The following CCSER1 variants were observed in gnomAD, a reference collection of about 807,000 sequenced individuals.
The protein encoded by CCSER1 is coiled-coil serine rich protein 1.
Under a neutral mutation model 82.0 loss-of-function variants are expected in CCSER1, and 41 were observed. That is an observed-to-expected ratio of 0.50 (90% CI 0.39 to 0.65). CCSER1 has a LOEUF of 0.65. Among genes scored for constraint, CCSER1 ranks in the 30% least tolerant of loss-of-function variants. CCSER1 has a pLI of 0.00. For synonymous variants in CCSER1, 414 were observed against 383.9 expected (o/e 1.08, Z -0.92); for missense variants, 1,119 against 1,064.2 (o/e 1.05, Z -0.72).
intron 8 of CCSER1, among the ~76,000 whole-genome samples, chr4:90,848,357 AAG>A (rs1458373863): frequency 6.6e-6 from 1 of 152,198 alleles, no homozygotes; most frequent in East Asian, 1.9e-4. Context: ...AAATGGCTCT[AAG>A]ATATAAGTGG....
In CCSER1 at chr4:91,415,069, A is replaced by G. The variant is rs1057217505; in HGVS notation, c.2218-183503A>G. Among the ~76,000 whole-genome samples the G allele has an allele frequency of 3.3e-5, 5 of 152,148 alleles. No homozygotes were observed. In the East Asian group the frequency reaches 7.7e-4, roughly 23 times the overall value. On this transcript the variant is annotated intron_variant, in intron 10 of 10. Transcript: ENST00000509176. ...GGAAGCAGTGGACTTGAATAGTGCT[A>G]TGTGGCAAATAGACCTAACAGATGT...
At position 91,216,796 on chromosome 4, in the gene CCSER1, T is replaced by C. The variant is rs1411541959; in HGVS notation, c.2217+130802T>C. ...TTATGTTAATTTACCCACTTGTCCA[T>C]TTTACCAATGAGTGAAAGGGGCAAA... On this transcript the variant is annotated intron_variant, in intron 10 of 10. Transcript: ENST00000509176. 2.6e-5 allele frequency among the ~76,000 whole-genome samples: 4 copies of C among 152,228 alleles called. No homozygotes were observed. In the East Asian group the frequency reaches 5.8e-4, roughly 22 times the overall value.
intron 10 of CCSER1, among the ~76,000 whole-genome samples, chr4:91,572,458 A>G (rs527536865): frequency 2.0e-5 from 3 of 152,048 alleles, no homozygotes; most frequent in Non-Finnish European, 2.9e-5. Flanking sequence ...ATTCAGTTCA[A>G]TTCCTGGTTG....
chr4:91,055,633 T>G (rs757589908), intron 9 of CCSER1, among the ~76,000 whole-genome samples: 15 of 152,294 alleles, frequency 9.8e-5, no homozygotes, highest in Non-Finnish European at 2.1e-4. Context: ...TGAGTTCATC[T>G]TACTTGGAGT....
intron 10 of CCSER1, among the ~76,000 whole-genome samples, chr4:91,244,603 A>G (rs1739620307): frequency 6.6e-6 from 1 of 152,226 alleles, no homozygotes; most frequent in South Asian, 2.1e-4. Context: ...CAAGTCTGCA[A>G]AATTCACAGC....
At chr4:91,070,238 C>T (rs1216522842) in intron 9 of CCSER1, among the ~76,000 whole-genome samples, 1 of 152,148 alleles carries the variant, frequency 6.6e-6, no homozygotes, top group Non-Finnish European at 1.5e-5. Flanking sequence ...CCTGCCTTGG[C>T]CTCCCAAAGT....
intron 10 of CCSER1, among the ~76,000 whole-genome samples, chr4:91,423,765 G>T (rs1309396566): frequency 1.3e-5 from 2 of 151,984 alleles, no homozygotes; most frequent in African/African-American, 2.4e-5. Context: ...CTTCAAAGAA[G>T]TTCTAAGAAA....
At chr4:90,360,419 ACTCGGGAGGCTG>A (rs377480435) in intron 3 of CCSER1, among the ~76,000 whole-genome samples, 1 of 150,444 alleles carries the variant, frequency 6.6e-6, no homozygotes, top group Admixed American at 6.6e-5. Flanking sequence ...AGTCCCAGCT[ACTCGGGAGGCTG>A]CTCGGGAGGC....
chr4:90,413,635 A>T (rs1306620306), intron 4 of CCSER1, among the ~76,000 whole-genome samples: 1 of 152,084 alleles, frequency 6.6e-6, no homozygotes, highest in African/African-American at 2.4e-5. Flanking sequence ...GAATAATTTG[A>T]ATAGTTTCAT....
rs190748344 is a variant in CCSER1, at chr4:91,510,154, C to G, written c.2218-88418C>G. The stretch of plus-strand genomic sequence containing the variant: ...TTATTTCACTTGGGACAATGGCCCC[C>G]AGCTGCATCCATGTTGCTGCAAAGG... On this transcript the variant is annotated intron_variant, in intron 10 of 10. Coordinates refer to ENST00000509176, the MANE Select transcript of CCSER1 (RefSeq NM_001145065.2). 6.6e-4 allele frequency among the ~76,000 whole-genome samples: 100 copies of G among 152,248 alleles called. 1 individual carries two copies. Among genetic ancestry groups the G allele is most frequent in the African/African-American group, 2.2e-3 (92 of 41,550 alleles).
At chr4:90,659,938 G>A (rs1355460232) in intron 6 of CCSER1, among the ~76,000 whole-genome samples, 2 of 151,092 alleles carry the variant, frequency 1.3e-5, no homozygotes, top group Admixed American at 1.3e-4. Flanking sequence ...ATGCTTATTT[G>A]TGTCATTTGC....
intron 10 of CCSER1, among the ~76,000 whole-genome samples, chr4:91,247,129 G>C (rs1224322637): frequency 5.9e-5 from 9 of 151,972 alleles, no homozygotes; most frequent in Admixed American, 5.9e-4. Flanking sequence ...GTGAAACCCT[G>C]TCTCTATTAA....
chr4:90,400,413 CA>C (rs1752652468), intron 4 of CCSER1, among the ~76,000 whole-genome samples: 1 of 151,890 alleles, frequency 6.6e-6, no homozygotes. Context: ...AAATAATTAA[CA>C]AAAAGTTTAA....
chr4:91,402,953 C>T (rs574112504), intron 10 of CCSER1, among the ~76,000 whole-genome samples: 7 of 152,040 alleles, frequency 4.6e-5, no homozygotes, highest in African/African-American at 7.2e-5. Context: ...TAGCTTGATG[C>T]GGATGGCATT....
At chr4:90,868,446 T>C (rs539942080) in intron 8 of CCSER1, among the ~76,000 whole-genome samples, 1 of 152,164 alleles carries the variant, frequency 6.6e-6, no homozygotes, top group East Asian at 1.9e-4. Context: ...GGTGGGAACA[T>C]GCAAAGTTTG....
chr4:91,546,220 G>A (rs537907736), intron 10 of CCSER1, among the ~76,000 whole-genome samples: 5 of 152,070 alleles, frequency 3.3e-5, no homozygotes, highest in Admixed American at 6.6e-5. Flanking sequence ...TATGAGAGAT[G>A]TAGGTCTATA....
chr4:90,391,485 T>TATATAC lies in CCSER1; in HGVS notation c.1510-8550_1510-8549insTATACA, dbSNP rs1438072458. On this transcript the variant is annotated intron_variant, in intron 3 of 10. Transcript: ENST00000509176. ...ATATATATATATATATATATATATATACACACACACAGTGGGTAAATATAT... is the reference window on the plus strand; with the variant it reads ...ATATATATATATATATATATATATATATATACACACACACACAGTGGGTAAATATAT... Among the ~76,000 whole-genome samples the TATATAC allele has an allele frequency of 1.9e-3, 147 of 76,552 alleles. 2 individuals are homozygous for TATATAC. The highest frequency in any genetic ancestry group is 2.3e-3 in the Non-Finnish European group (102 of 44,768). 50.2% of individuals were successfully genotyped at this position (76,552 alleles called of 152,430 possible). A position where few individuals can be genotyped will look rare whatever the true frequency, so the allele number is the denominator to read the frequency against.
At chr4:91,342,351 A>C (rs1262780948) in intron 10 of CCSER1, among the ~76,000 whole-genome samples, 4 of 152,178 alleles carry the variant, frequency 2.6e-5, no homozygotes, top group Non-Finnish European at 4.4e-5. Context: ...GGACATAGTA[A>C]CCATTACTTT....
chr4:90,539,430 A>T (rs2036153), intron 5 of CCSER1, among the ~76,000 whole-genome samples: 3 of 151,830 alleles, frequency 2.0e-5, no homozygotes, highest in South Asian at 2.1e-4. Context: ...CAAAATCTTT[A>T]GTGACTTTTT....
Sources: gnomAD v4.1 joint callset for allele counts (sites outside exome capture counted in the v4.1 genomes callset) on GRCh38, gnomAD v4.1.1 for gene constraint, MANE v1.5 for transcripts, NCBI Gene and HGNC (gene_info 2026-07-23, HGNC 2026-07-21) for gene names.